The following RSF1 variants were observed in gnomAD, a reference collection of about 807,000 sequenced individuals.
RSF1 encodes the protein HBV pX-associated protein 8.
Under a neutral mutation model 145.2 loss-of-function variants are expected in RSF1, and 13 were observed. The observed-to-expected ratio is 0.09, with a 90% confidence interval of 0.06 to 0.14. The LOEUF (loss-of-function observed/expected upper bound fraction) is 0.14. RSF1 is among the 10% of genes least tolerant of loss of function. RSF1 has a pLI of 1.00. For missense variants in RSF1, 1,517 were observed against 1,718.2 expected (o/e 0.88, Z 2.07); for synonymous variants, 577 against 592.6 (o/e 0.97, Z 0.38).
chr11:77,711,405 C>G (rs1038895331), intron 5 of RSF1, among the ~76,000 whole-genome samples: 1 of 152,148 alleles, frequency 6.6e-6, no homozygotes, highest in African/African-American at 2.4e-5. Flanking sequence ...TGCAGTGGCT[C>G]ACGCCTGTAA....
At chr11:77,805,935 C>T (rs1342298412) in intron 1 of RSF1, among the ~76,000 whole-genome samples, 1 of 152,202 alleles carries the variant, frequency 6.6e-6, no homozygotes, top group Non-Finnish European at 1.5e-5. Flanking sequence ...TAATACTATT[C>T]CTACTCAAAA....
chr11:77,813,712 G>A (rs576362946), intron 1 of RSF1: 15 of 423,030 alleles, frequency 3.5e-5, no homozygotes, highest in African/African-American at 1.0e-4. Context: ...CTTGTTCCTC[G>A]GCGAGAGCGA....
intron 1 of RSF1, among the ~76,000 whole-genome samples, chr11:77,797,628 A>G (rs1948585697): frequency 6.6e-6 from 1 of 152,218 alleles, no homozygotes; most frequent in South Asian, 2.1e-4. Flanking sequence ...TAAAACACTA[A>G]AAGCAATGGC....
rs962401141 is a variant in RSF1 at position 77,663,512 on chromosome 11, C to T, written c.*3405G>A. 1 of 152,080 alleles carries T rather than the reference C, an allele frequency of 6.6e-6. No individual in the cohort carries two copies. The highest frequency in any genetic ancestry group is 1.5e-5 in the Non-Finnish European group (1 of 68,000). 9.4% of individuals were successfully genotyped at this position (152,080 alleles called of 1,614,324 possible). On this transcript the variant is annotated 3_prime_UTR_variant, in exon 16 of 16. Transcript: ENST00000308488. Reference sequence around the variant, plus strand: ...TAAAGTTTTTGGTTCTTGGGCAGGTCACTTTTATATATAGATTGCCAGTAG... The same window carrying T: ...TAAAGTTTTTGGTTCTTGGGCAGGTTACTTTTATATATAGATTGCCAGTAG...
chr11:77,704,496 C>T (rs769855253), intron 5 of RSF1, among the ~76,000 whole-genome samples: 1 of 152,066 alleles, frequency 6.6e-6, no homozygotes, highest in East Asian at 1.9e-4. Flanking sequence ...TGTTTTCATT[C>T]GAAGGTAACT....
intron 9 of RSF1, among the ~76,000 whole-genome samples, chr11:77,689,256 T>C (rs529052477): frequency 2.8e-4 from 42 of 152,226 alleles, no homozygotes; most frequent in Non-Finnish European, 5.4e-4. Context: ...TATTTCATTC[T>C]TCTGTTACCA....
rs746595871 is a variant in RSF1 at position 77,702,337 on chromosome 11, G to A, written c.892C>T (p.Pro298Ser). The change falls in exon 6 of 16, where the codon CCT becomes TCT. Residue 298 changes from proline to serine, a missense_variant. Pro to Ser is a moderately conservative substitution (Grantham distance 74). Transcript: ENST00000308488. ...TTTTTTTCTTCATTTTCTGGCAAAG[G>A]TTTTTCTAGCTTCACTATGACTGGC... ...KLPVIVKLEK[P>S]LPENEEKKII... 1 of 1,610,498 alleles carries A rather than the reference G, an allele frequency of 6.2e-7. No individual in the cohort carries two copies. The highest frequency in any genetic ancestry group is 1.7e-5 in the Admixed American group (1 of 59,242).
chr11:77,750,394 G>C (rs891977890), intron 2 of RSF1, among the ~76,000 whole-genome samples: 2 of 152,188 alleles, frequency 1.3e-5, no homozygotes, highest in African/African-American at 4.8e-5. Context: ...AGGCATGGCT[G>C]TATTCCCGTA....
chr11:77,735,052 C>T lies in RSF1; in HGVS notation c.578+5679G>A, dbSNP rs1450946198. On this transcript the variant is annotated intron_variant, in intron 4 of 15. Coordinates refer to ENST00000308488, the MANE Select transcript of RSF1 (RefSeq NM_016578.4). ...GGCGGCGACTAAGGAGAGGTGGCGG[C>T]GGTGGCAGTGGCTGCGTGGCGCTGG... is the stretch of plus-strand genomic sequence containing the variant. The T allele has an allele frequency of 1.1e-5, 14 of 1,328,986 alleles. No individual in the cohort carries two copies. In the East Asian group the frequency reaches 1.4e-4, roughly 13 times the overall value. 82.3% of individuals were successfully genotyped at this position (1,328,986 alleles called of 1,614,324 possible). A position where few individuals can be genotyped will look rare whatever the true frequency, so the allele number is the denominator to read the frequency against.
At chr11:77,869,982 TGG>T in the RSF1 span, 1 of 572,042 alleles carries the variant, frequency 1.7e-6, no homozygotes, top group African/African-American at 1.9e-5. Context: ...TCATCAGCGT[TGG>T]GCTCTCCAGT....
chr11:77,807,254 T>C (rs1948686525), intron 1 of RSF1, among the ~76,000 whole-genome samples: 1 of 152,232 alleles, frequency 6.6e-6, no homozygotes, highest in Non-Finnish European at 1.5e-5. Context: ...CCTCGAATGC[T>C]TTTCCAACTT....
rs185522160 is a variant in RSF1 at position 77,726,781 on chromosome 11, C to G, written c.579-1082G>C. 1.4e-3 allele frequency among the ~76,000 whole-genome samples: 216 copies of G among 152,316 alleles called. 1 individual carries two copies. The highest frequency in any genetic ancestry group is 3.5e-3 in the African/African-American group (147 of 41,570). On this transcript the variant is annotated intron_variant, in intron 4 of 15. Transcript: ENST00000308488. Reference sequence around the variant, plus strand: ...TGACTCGTTTTCTTATCTGTCATGTCACATATGGCTCCTACCCTCCTTTCC... The same window carrying G: ...TGACTCGTTTTCTTATCTGTCATGTGACATATGGCTCCTACCCTCCTTTCC...
intron 1 of RSF1, among the ~76,000 whole-genome samples, chr11:77,781,669 AG>A (rs1316325086): frequency 6.6e-6 from 1 of 152,210 alleles, no homozygotes; most frequent in Non-Finnish European, 1.5e-5. Context: ...TTTGTTGGAT[AG>A]TGTTCTGGAA....
At chr11:77,780,754 A>G (rs926774599) in intron 1 of RSF1, among the ~76,000 whole-genome samples, 2 of 150,560 alleles carry the variant, frequency 1.3e-5, no homozygotes, top group Non-Finnish European at 3.0e-5. Context: ...GAACCCAGGA[A>G]GCAGAAGTTG....
intron 1 of RSF1, among the ~76,000 whole-genome samples, chr11:77,797,840 T>C (rs548486707): frequency 5.3e-5 from 8 of 151,520 alleles, no homozygotes; most frequent in African/African-American, 1.9e-4. Flanking sequence ...CATCAAAAAG[T>C]GGGCAAGGGA....
chr11:77,718,673 CAG>C (rs1960874192), intron 5 of RSF1, among the ~76,000 whole-genome samples: 1 of 152,284 alleles, frequency 6.6e-6, no homozygotes, highest in Admixed American at 6.5e-5. Context: ...GAACAGAAAA[CAG>C]ATAGCTTTTT....
intron 1 of RSF1, among the ~76,000 whole-genome samples, chr11:77,819,387 G>A (rs1249359666): frequency 1.3e-5 from 2 of 152,236 alleles, no homozygotes; most frequent in African/African-American, 2.4e-5. Context: ...AAATGGGGGT[G>A]AGTATAAGCA....
chr11:77,815,776 T>C (rs988577328), intron 1 of RSF1, among the ~76,000 whole-genome samples: 1 of 152,224 alleles, frequency 6.6e-6, no homozygotes, highest in African/African-American at 2.4e-5. Flanking sequence ...ATATTTACTG[T>C]AGCTACATCT....
chr11:77,793,434 T>C (rs1215200598), intron 1 of RSF1, among the ~76,000 whole-genome samples: 1 of 152,136 alleles, frequency 6.6e-6, no homozygotes, highest in Non-Finnish European at 1.5e-5. Context: ...CAGTAAGCCG[T>C]GATCATGCCA....
Sources: allele counts gnomAD v4.1 joint callset (sites outside exome capture counted in the v4.1 genomes callset), GRCh38; gene constraint gnomAD v4.1.1; transcripts MANE v1.5; gene names NCBI Gene and HGNC (gene_info 2026-07-23, HGNC 2026-07-21).